LHFPL2: variants seen among roughly 807,000 people sequenced by gnomAD.
LHFPL2 encodes LHFPL tetraspan subfamily member 2 protein.
In LHFPL2, 7 loss-of-function variants were observed where a neutral mutation model predicts 17.5. The ratio of observed to expected loss-of-function variants is 0.40; its 90% CI spans 0.23 to 0.75. The LOEUF (loss-of-function observed/expected upper bound fraction) is 0.75, where lower values mean the gene tolerates loss of function less well. LHFPL2 is among the 30% of genes least tolerant of loss of function. The probability of loss-of-function intolerance (pLI) is 0.37; values close to 1 mark genes in which losing one functional copy is unlikely to be tolerated. For missense variants in LHFPL2, 241 were observed against 294.8 expected, an observed-to-expected ratio of 0.82 and a Z score of 1.34; for synonymous variants, 134 against 116.2, an observed-to-expected ratio of 1.15 and a Z score of -0.99.
chr5:78,553,805 C>T (rs111807639), intron 3 of LHFPL2, among the ~76,000 whole-genome samples: 26 of 152,132 alleles, frequency 1.7e-4, no homozygotes, highest in Admixed American at 5.9e-4. Context: ...GAAAAAATAC[C>T]GTAATTTCCT....
chr5:78,502,903 G>A (rs755469573), intron 4 of LHFPL2, among the ~76,000 whole-genome samples: 5 of 152,106 alleles, frequency 3.3e-5, no homozygotes, highest in Admixed American at 6.5e-5. Context: ...TAAGAGTTGT[G>A]GACACGTATT....
chr5:78,620,735 C>T (rs145590517), intron 2 of LHFPL2, among the ~76,000 whole-genome samples: 29 of 152,330 alleles, frequency 1.9e-4, no homozygotes, highest in Middle Eastern at 6.8e-3. Context: ...ACATGATCAG[C>T]GCAGAACGCT....
At chr5:78,496,962 A>C (rs1561305414) in intron 4 of LHFPL2, among the ~76,000 whole-genome samples, 1 of 152,098 alleles carries the variant, frequency 6.6e-6, no homozygotes, top group Non-Finnish European at 1.5e-5. Context: ...TTTCATTTCC[A>C]GTTTTGAACT....
chr5:78,598,362 T>G (rs1743897092), intron 2 of LHFPL2, among the ~76,000 whole-genome samples: 1 of 152,232 alleles, frequency 6.6e-6, no homozygotes, highest in South Asian at 2.1e-4. Flanking sequence ...CAAATCTGAC[T>G]CCTAGGCTTG....
chr5:78,551,198 G>A lies in LHFPL2; in HGVS notation c.-186+13615C>T, dbSNP rs573887382. Among the ~76,000 whole-genome samples the A allele has an allele frequency of 2.0e-3, 310 of 152,174 alleles. 1 individual carries two copies. Among genetic ancestry groups the A allele is most frequent in the Non-Finnish European group, 1.7e-3 (118 of 67,978 alleles). On this transcript the variant is annotated intron_variant, in intron 3 of 4. Transcript: ENST00000380345. ...AATCTAGAGGAACGGGGAATTCCGT[G>A]GGAAAAAACACCTCATAAATGATAA...
chr5:78,490,462 T>G (rs1160968495), intron 4 of LHFPL2, among the ~76,000 whole-genome samples: 2 of 152,100 alleles, frequency 1.3e-5, no homozygotes, highest in African/African-American at 4.8e-5. Flanking sequence ...TGGTAACAGA[T>G]CTTCTTTAGG....
At position 78,487,385 on chromosome 5, in the gene LHFPL2, C is replaced by A. The variant is rs1425219812; in HGVS notation, c.*1512G>T. ...GGGTTGTATAGCTGGTAGCACAATA[C>A]CTTGTCCACAGAAGGTACTTTTTCA... On this transcript the variant is annotated 3_prime_UTR_variant, in exon 5 of 5. Coordinates refer to ENST00000380345, the MANE Select transcript of LHFPL2 (RefSeq NM_005779.3). 1.3e-5 allele frequency: 2 copies of A among 152,230 alleles called. No individual in the cohort carries two copies. The highest frequency in any genetic ancestry group is 6.5e-5 in the Admixed American group (1 of 15,284). The allele number at this position is 152,230 out of a possible 1,614,324, so 9.4% of individuals were successfully genotyped here.
intron 2 of LHFPL2, among the ~76,000 whole-genome samples, chr5:78,622,515 G>A (rs545455200): frequency 6.6e-6 from 1 of 152,210 alleles, no homozygotes; most frequent in Admixed American, 6.5e-5. Context: ...TGGGGAGCAG[G>A]GCCTGGACCC....
chr5:78,630,925 G>A (rs1029196474), intron 2 of LHFPL2, among the ~76,000 whole-genome samples: 2 of 152,144 alleles, frequency 1.3e-5, no homozygotes, highest in Non-Finnish European at 2.9e-5. Context: ...CTCCTGAAAG[G>A]ACTCAACTCT....
At chr5:78,606,924 G>A (rs184718695) in intron 2 of LHFPL2, among the ~76,000 whole-genome samples, 42 of 147,940 alleles carry the variant, frequency 2.8e-4, no homozygotes, top group African/African-American at 1.0e-3. Flanking sequence ...TGATCCACCC[G>A]CCTTGGCCTC....
rs114553513 is a variant in LHFPL2, at chr5:78,644,377, C to T, written c.-350+4122G>A. ...GGCTTTCCTTTAGCTCACTATGCAGCAATATCCTTTTCATATTTTTCCTTC... is the reference window on the plus strand; with the variant it reads ...GGCTTTCCTTTAGCTCACTATGCAGTAATATCCTTTTCATATTTTTCCTTC... On this transcript the variant is annotated intron_variant, in intron 1 of 4. Transcript: ENST00000380345. 1,285 of 978,730 alleles carry T rather than the reference C, an allele frequency of 1.3e-3. 8 individuals are homozygous for T. The African/African-American group carries it at 0.017, about 13-fold the overall frequency. The allele number at this position is 978,730 out of a possible 1,614,324, so 60.6% of individuals were successfully genotyped here.
intron 2 of LHFPL2, among the ~76,000 whole-genome samples, chr5:78,616,452 C>A (rs953489735): frequency 6.6e-6 from 1 of 152,084 alleles, no homozygotes; most frequent in Admixed American, 6.6e-5. Context: ...TTCTTGACCA[C>A]CCCGACTATG....
At chr5:78,546,130 A>G (rs1268785572) in intron 3 of LHFPL2, among the ~76,000 whole-genome samples, 1 of 152,214 alleles carries the variant, frequency 6.6e-6, no homozygotes, top group Non-Finnish European at 1.5e-5. Context: ...GCACACTTTC[A>G]GGGCTGTACA....
intron 4 of LHFPL2, among the ~76,000 whole-genome samples, chr5:78,504,578 G>A (rs143534823): frequency 1.3e-4 from 20 of 152,242 alleles, no homozygotes; most frequent in East Asian, 1.9e-4. Flanking sequence ...GCTGCATTTC[G>A]TATGCCCACC....
At chr5:78,611,988 A>G (rs541598566) in intron 2 of LHFPL2, among the ~76,000 whole-genome samples, 29 of 152,208 alleles carry the variant, frequency 1.9e-4, no homozygotes, top group Non-Finnish European at 3.8e-4. Flanking sequence ...TCCTTTCTAG[A>G]CAGTGTATTT....
intron 3 of LHFPL2, among the ~76,000 whole-genome samples, chr5:78,525,275 C>T (rs1037820169): frequency 2.0e-5 from 3 of 152,218 alleles, no homozygotes; most frequent in African/African-American, 7.2e-5. Flanking sequence ...AATCACTAAT[C>T]TCCCTATGCC....
Position 78,510,146 on chromosome 5 carries a change from G to A in LHFPL2, c.68C>T (p.Ala23Val), listed in dbSNP as rs746691650. The change falls in exon 4 of 5, where the codon GCC becomes GTC. Residue 23 changes from alanine to valine, a missense_variant. Ala to Val is a moderately conservative substitution (Grantham distance 64). Transcript: ENST00000380345. ...TGCACTCATGAAGGCAATGAGCTCG[G>A]CAAAAGCCACCACAATACTCAGCAA... ...WTLLSIVVAF[A>V]ELIAFMSADW... The A allele has an allele frequency of 1.9e-6, 3 of 1,612,834 alleles. No homozygotes were observed. Among genetic ancestry groups the A allele is most frequent in the South Asian group, 1.1e-5 (1 of 91,060 alleles).
chr5:78,567,170 A>G (rs571702664), intron 2 of LHFPL2, among the ~76,000 whole-genome samples: 246 of 152,342 alleles, frequency 1.6e-3, no homozygotes, highest in African/African-American at 5.7e-3. Flanking sequence ...ACTGACAGTA[A>G]AAAGCATTTT....
chr5:78,522,092 C>T (rs760563313), intron 3 of LHFPL2, among the ~76,000 whole-genome samples: 18 of 152,300 alleles, frequency 1.2e-4, no homozygotes, highest in Non-Finnish European at 1.9e-4. Context: ...CTCACCAAAA[C>T]TCATGCTTCT....
Sources: gnomAD v4.1 joint callset for allele counts (sites outside exome capture counted in the v4.1 genomes callset) on GRCh38, gnomAD v4.1.1 for gene constraint, MANE v1.5 for transcripts, NCBI Gene and HGNC (gene_info 2026-07-23, HGNC 2026-07-21) for gene names.